TMIGD3: variants seen among roughly 807,000 people sequenced by gnomAD.
The protein encoded by TMIGD3 is AD026 protein (AD026).
A neutral mutation model predicts 28.1 loss-of-function variants in TMIGD3; 21 were observed. The observed-to-expected ratio is 0.75, with a 90% CI of 0.53 to 1.08. TMIGD3 has a LOEUF of 1.08. Among genes scored for constraint, TMIGD3 ranks in the 50% least tolerant of loss-of-function variants. The pLI, the probability that TMIGD3 is intolerant of heterozygous loss-of-function variation, is 0.00. For missense variants in TMIGD3, 416 were observed against 435.6 expected (o/e 0.96, Z 0.40); for synonymous variants, 151 against 162.1 (o/e 0.93, Z 0.52).
At chr1:111,519,428 C>T (rs1373405951) in intron 1 of TMIGD3, among the ~76,000 whole-genome samples, 1 of 152,214 alleles carries the variant, frequency 6.6e-6, no homozygotes, top group Non-Finnish European at 1.5e-5. Context: ...AGAATCACAA[C>T]TCAAACTTCT....
At chr1:111,489,736 G>T in intron 2 of TMIGD3, 1 of 1,042,674 alleles carries the variant, frequency 9.6e-7, no homozygotes. Flanking sequence ...ATGTTTGGAG[G>T]CTTCTGCTGG....
At chr1:111,493,389 C>T (rs1402157718) in intron 1 of TMIGD3, among the ~76,000 whole-genome samples, 6 of 152,168 alleles carry the variant, frequency 3.9e-5, no homozygotes, top group African/African-American at 1.4e-4. Context: ...CCTCCCCCCA[C>T]CCTGCTTCCC....
intron 1 of TMIGD3, among the ~76,000 whole-genome samples, chr1:111,541,306 T>A (rs1656813628): frequency 6.6e-6 from 1 of 152,196 alleles, no homozygotes; most frequent in Non-Finnish European, 1.5e-5. Flanking sequence ...CTTCTAAGTG[T>A]GCTGGAGAAC....
intron 1 of TMIGD3, among the ~76,000 whole-genome samples, chr1:111,534,512 G>GTGTTTACGGTTGCTGTTTAAT (rs1656576447): frequency 6.6e-6 from 1 of 152,200 alleles, no homozygotes; most frequent in South Asian, 2.1e-4. Flanking sequence ...TAGATGTTCG[G>GTGTTTACGGTTGCTGTTTAAT]TGTTTACGGT....
chr1:111,536,797 G>A (rs142857323), intron 1 of TMIGD3, among the ~76,000 whole-genome samples: 40 of 150,350 alleles, frequency 2.7e-4, no homozygotes, highest in East Asian at 7.7e-4. Flanking sequence ...CTGTTCCTCC[G>A]TGTGGTTGTC....
chr1:111,493,724 T>C (rs1018745812), intron 1 of TMIGD3, among the ~76,000 whole-genome samples: 17 of 152,178 alleles, frequency 1.1e-4, no homozygotes, highest in African/African-American at 4.1e-4. Flanking sequence ...AAATTGAGGC[T>C]CAGAAGCTTA....
rs528331118 is a variant in TMIGD3, at chr1:111,488,239, T to C, written c.805+438A>G. On this transcript the variant is annotated intron_variant, in intron 3 of 5. Transcript: ENST00000369716. ...CAAGGCACACAGACTTTTTTTTTTT[T>C]TGAGACTGAGTCTCACTCTATCGCC... 1.2e-3 allele frequency among the ~76,000 whole-genome samples: 179 copies of C among 152,180 alleles called. 1 individual carries two copies. Among genetic ancestry groups the C allele is most frequent in the South Asian group, 2.5e-3 (12 of 4,828 alleles).
chr1:111,552,168 T>C (rs568465964), intron 1 of TMIGD3, among the ~76,000 whole-genome samples: 2 of 152,326 alleles, frequency 1.3e-5, no homozygotes, highest in African/African-American at 4.8e-5. Context: ...TGAAACAAGA[T>C]AAAACATGAC....
intron 1 of TMIGD3, among the ~76,000 whole-genome samples, chr1:111,548,594 C>A (rs1212424111): frequency 6.6e-6 from 1 of 152,194 alleles, no homozygotes; most frequent in African/African-American, 2.4e-5. Context: ...ATGTTTATGG[C>A]ATTGACTATT....
rs1376836031 is a variant in TMIGD3 at position 111,515,350 on chromosome 1, C to G, written c.108-24588G>C. Among the ~76,000 whole-genome samples, 3 of 152,318 alleles carry G rather than the reference C, an allele frequency of 2.0e-5. No individual in the cohort carries two copies. The East Asian group carries it at 5.8e-4, about 29-fold the overall frequency. ...CTACTAAAAACTGAGCCTGGCTTCT[C>G]TTGCGCCTTGGGGAAGTGCCAGTTC... On this transcript the variant is annotated intron_variant, in intron 1 of 5. Transcript: ENST00000369717.
chr1:111,491,457 C>T (rs1654659798), intron 1 of TMIGD3, among the ~76,000 whole-genome samples: 2 of 152,222 alleles, frequency 1.3e-5, no homozygotes, highest in South Asian at 2.1e-4. Context: ...ATTGAATCAC[C>T]TCTCAGGTGA....
chr1:111,504,983 C>T (rs2100987721), upstream of TMIGD3: 3 of 985,374 alleles, frequency 3.0e-6, no homozygotes, highest in South Asian at 9.4e-5. Flanking sequence ...GTTCTGCCCA[C>T]ATCCCTGCAC....
chr1:111,545,226 AT>A (rs1656991515), intron 1 of TMIGD3, among the ~76,000 whole-genome samples: 1 of 152,026 alleles, frequency 6.6e-6, no homozygotes, highest in Non-Finnish European at 1.5e-5. Flanking sequence ...CAGCTGCACC[AT>A]TTCATTCCCA....
chr1:111,537,883 C>CT (rs11389439), intron 1 of TMIGD3, among the ~76,000 whole-genome samples: 29,017 of 152,102 alleles, frequency 0.19, 3,220 homozygotes, highest in East Asian at 0.47. Context: ...CAGATGTGAT[C>CT]TTTTTTGTTG....
At chr1:111,504,227 A>C, upstream of TMIGD3, 19 of 722,696 alleles carry the variant, frequency 2.6e-5, no homozygotes, top group South Asian at 1.3e-4. Context: ...TTCTCAGCTC[A>C]CACCCTAGCA....
At chr1:111,559,818 A>T (rs1321314341) in intron 1 of TMIGD3, among the ~76,000 whole-genome samples, 1 of 152,218 alleles carries the variant, frequency 6.6e-6, no homozygotes, top group Non-Finnish European at 1.5e-5. Flanking sequence ...TCAAATCTTA[A>T]TGCTGGGAGA....
chr1:111,550,069 T>C (rs772217291), intron 1 of TMIGD3, among the ~76,000 whole-genome samples: 1 of 152,230 alleles, frequency 6.6e-6, no homozygotes, highest in East Asian at 1.9e-4. Context: ...TTGTGTGTTT[T>C]TAGAAATTTG....
At chr1:111,559,522 A>G (rs1204514800) in intron 1 of TMIGD3, among the ~76,000 whole-genome samples, 1 of 151,994 alleles carries the variant, frequency 6.6e-6, no homozygotes, top group African/African-American at 2.4e-5. Context: ...TAGGTAAATC[A>G]TTTTTTCTCA....
At chr1:111,500,143 AAGT>A in intron 1 of TMIGD3, 2 of 1,614,190 alleles carry the variant, frequency 1.2e-6, no homozygotes, top group East Asian at 4.5e-5. Flanking sequence ...CTCACCATTA[AAGT>A]AGATGATGCA....
Sources: allele counts gnomAD v4.1 joint callset (sites outside exome capture counted in the v4.1 genomes callset), GRCh38; gene constraint gnomAD v4.1.1; transcripts MANE v1.5; gene names NCBI Gene and HGNC (gene_info 2026-07-23, HGNC 2026-07-21).